The following MEF2C variants were observed in gnomAD, a reference collection of about 807,000 sequenced individuals.
MEF2C encodes myocyte-specific enhancer factor 2C.
In MEF2C, 6 loss-of-function variants were observed where a neutral mutation model predicts 50.5. The ratio of observed to expected loss-of-function variants is 0.12; its 90% confidence interval spans 0.07 to 0.23. The LOEUF (loss-of-function observed/expected upper bound fraction) is 0.23, where lower values mean the gene tolerates loss of function less well. MEF2C is among the 10% of genes least tolerant of loss of function. The pLI is 1.00. For synonymous variants in MEF2C, 183 were observed against 228.0 expected (o/e 0.80, Z 1.78); for missense variants, 276 against 605.0 (o/e 0.46, Z 5.70).
At chr5:88,777,785 T>G (rs1785532397) in intron 3 of MEF2C, among the ~76,000 whole-genome samples, 1 of 152,004 alleles carries the variant, frequency 6.6e-6, no homozygotes, top group African/African-American at 2.4e-5. Context: ...GTAGGTACTA[T>G]CTAGAATAGA....
intron 2 of MEF2C, among the ~76,000 whole-genome samples, chr5:88,813,460 C>A (rs1366032060): frequency 6.6e-6 from 1 of 152,076 alleles, no homozygotes; most frequent in African/African-American, 2.4e-5. Context: ...CTCCCTCACC[C>A]TCCCAGGCCC....
At chr5:88,839,443 T>C (rs942259922) in intron 1 of MEF2C, 1 of 152,060 alleles carries the variant, frequency 6.6e-6, no homozygotes, top group Non-Finnish European at 1.5e-5. Context: ...ATGCTCAAAA[T>C]GGCTGCTTCT....
chr5:88,887,687 T>C (rs1834145179), upstream of MEF2C: 1 of 152,254 alleles, frequency 6.6e-6, no homozygotes, highest in Non-Finnish European at 1.5e-5. Flanking sequence ...CTAAAACTTC[T>C]AATCTGAAGT....
At chr5:88,867,259 A>G (rs116340497) in intron 1 of MEF2C, among the ~76,000 whole-genome samples, 11 of 152,300 alleles carry the variant, frequency 7.2e-5, no homozygotes, top group Non-Finnish European at 1.5e-4. Context: ...TTTTTCCCTA[A>G]GATGCCAGGC....
At position 88,773,026 on chromosome 5, in the gene MEF2C, G is replaced by A. The variant is rs566445977; in HGVS notation, c.259-11698C>T. On this transcript the variant is annotated intron_variant, in intron 3 of 10. Transcript: ENST00000504921. ...AAGTGAAGTATCAGGAGTGCAGAGC[G>A]TCACTGGGATTGTGGGAACACAATA... 156 of 582,690 alleles carry A rather than the reference G, an allele frequency of 2.7e-4. No individual in the cohort carries two copies. In the African/African-American group the frequency reaches 2.9e-3, roughly 11 times the overall value. The allele number at this position is 582,690 out of a possible 1,614,324, so 36.1% of individuals were successfully genotyped here. A position where few individuals can be genotyped will look rare whatever the true frequency, so the allele number is the denominator to read the frequency against.
intron 1 of MEF2C, among the ~76,000 whole-genome samples, chr5:88,845,764 G>A (rs1344161501): frequency 1.1e-4 from 16 of 152,046 alleles, no homozygotes; most frequent in Non-Finnish European, 4.4e-5. Flanking sequence ...TTTGTTTTTT[G>A]AGATGGAGTC....
intron 5 of MEF2C, 68 bp downstream of exon 5, chr5:88,751,789 A>G (rs1249425707): frequency 1.3e-6 from 2 of 1,482,478 alleles, no homozygotes; most frequent in Non-Finnish European, 1.9e-6. Context: ...TAGATAAAGC[A>G]GTGTTGGCTT....
In MEF2C at chr5:88,749,109, T is replaced by C; in HGVS notation, c.598A>G (p.Met200Val). 1 of 1,573,514 alleles carries C rather than the reference T, an allele frequency of 6.4e-7. No homozygotes were observed. The highest frequency in any genetic ancestry group is 8.6e-7 in the Non-Finnish European group (1 of 1,158,834). The change falls in exon 6 of 11, where the codon ATG becomes GTG. Residue 200 changes from methionine (M) to valine (V), a missense_variant. Around this residue, in one of 2 missense-constraint regions of MEF2C, gnomAD observed 256 missense variants for 468.1 expected, o/e 0.55. Transcript: ENST00000504921. The stretch of plus-strand genomic sequence containing the variant: ...GCACCAGACGTGAGGTCTCCACCCA[T>C]CAGACCACCTATGGATTAAAGAGGA... ...PPSAGNTGGL[M>V]GGDLTSGAGT...
intron 6 of MEF2C, chr5:88,734,398 G>GAA: frequency 1.0e-6 from 1 of 985,224 alleles, no homozygotes; most frequent in Non-Finnish European, 1.2e-6. Context: ...TAGATCAGAA[G>GAA]AAACTAAAAC....
chr5:88,876,355 T>A (rs908696785), intron 1 of MEF2C, among the ~76,000 whole-genome samples: 1 of 151,980 alleles, frequency 6.6e-6, no homozygotes, highest in Non-Finnish European at 1.5e-5. Flanking sequence ...TGTGTGACGA[T>A]AATTTCTAAA....
rs757138220 is a variant in MEF2C at position 88,718,788 on chromosome 5, T to C, written c.*3816A>G. On this transcript the variant is annotated 3_prime_UTR_variant, in exon 11 of 11. Transcript: ENST00000504921. Reference sequence around the variant, plus strand: ...ATGGAAAAATTTGATGTAGAAGATATGTGGCTTGGATTGCTCCACATCTTT... The same window carrying C: ...ATGGAAAAATTTGATGTAGAAGATACGTGGCTTGGATTGCTCCACATCTTT... The C allele has an allele frequency of 5.3e-5, 8 of 152,234 alleles. No homozygotes were observed. Among genetic ancestry groups the C allele is most frequent in the Non-Finnish European group, 1.0e-4 (7 of 68,044 alleles). The allele number at this position is 152,234 out of a possible 1,614,324, so 9.4% of individuals were successfully genotyped here.
intron 6 of MEF2C, among the ~76,000 whole-genome samples, chr5:88,744,802 G>C (rs796339162): frequency 3.3e-5 from 5 of 152,250 alleles, no homozygotes; most frequent in African/African-American, 1.2e-4. Flanking sequence ...TTCAAGTTAA[G>C]TGATGATAAG....
At chr5:88,729,092 G>T (rs1338815193) in intron 9 of MEF2C, 126 bp downstream of exon 9, 4 of 979,134 alleles carry the variant, frequency 4.1e-6, no homozygotes, top group Non-Finnish European at 5.9e-6. Context: ...AATGGGTAAT[G>T]CTGCAGTGCT....
At position 88,752,627 on chromosome 5, in the gene MEF2C, C is replaced by T. The variant is rs189131132; in HGVS notation, c.403-584G>A. 4.1e-6 allele frequency: 4 copies of T among 985,250 alleles called. No individual in the cohort carries two copies. The East Asian group carries it at 3.4e-4, about 84-fold the overall frequency. The allele number at this position is 985,250 out of a possible 1,614,324, so 61.0% of individuals were successfully genotyped here. A position where few individuals can be genotyped will look rare whatever the true frequency, so the allele number is the denominator to read the frequency against. On this transcript the variant is annotated intron_variant, in intron 4 of 10. Transcript: ENST00000504921. Reference sequence around the variant, plus strand: ...AGAGCATGTATCATTCAATAATTCACATTTTGAAGTGGCAATTCAGAAAAC... The same window carrying T: ...AGAGCATGTATCATTCAATAATTCATATTTTGAAGTGGCAATTCAGAAAAC...
intron 6 of MEF2C, chr5:88,742,108 T>G (rs1767094024): frequency 2.0e-6 from 2 of 985,402 alleles, no homozygotes; most frequent in Non-Finnish European, 2.4e-6. Flanking sequence ...GCTGACAGCC[T>G]TGAAGCACCG....
At chr5:88,753,591 A>G (rs1561833576) in intron 4 of MEF2C, among the ~76,000 whole-genome samples, 2 of 152,084 alleles carry the variant, frequency 1.3e-5, no homozygotes. Flanking sequence ...GGGTTTTGCC[A>G]TGTTGCCCAG....
At chr5:88,859,514 T>C (rs1008760518) in intron 1 of MEF2C, among the ~76,000 whole-genome samples, 1 of 152,204 alleles carries the variant, frequency 6.6e-6, no homozygotes, top group Admixed American at 6.5e-5. Context: ...CATATGAAAG[T>C]TCCTGTATTA....
At chr5:88,792,688 C>T (rs561298797) in intron 3 of MEF2C, among the ~76,000 whole-genome samples, 3 of 152,228 alleles carry the variant, frequency 2.0e-5, no homozygotes, top group Admixed American at 2.0e-4. Context: ...TGAAACATGA[C>T]TAATGCAACT....
chr5:88,779,094 C>T (rs1342540800), intron 3 of MEF2C, among the ~76,000 whole-genome samples: 3 of 152,178 alleles, frequency 2.0e-5, no homozygotes, highest in African/African-American at 7.2e-5. Context: ...AAGAAGTTTA[C>T]AATTATGATG....
Sources: gnomAD v4.1 joint callset for allele counts (sites outside exome capture counted in the v4.1 genomes callset) on GRCh38, gnomAD v4.1.1 for gene constraint, gnomAD v4.1.1 regional missense constraint, MANE v1.5 for transcripts, NCBI Gene and HGNC (gene_info 2026-07-23, HGNC 2026-07-21) for gene names.